Variants in YIPF6 observed in about 807,000 individuals in gnomAD.
YIPF6 encodes Yip1 domain family member 6.
YIPF6 carries 3 observed loss-of-function variants against 16.8 expected under a neutral mutation model. That is an observed-to-expected ratio of 0.18 (90% CI 0.08 to 0.46). YIPF6 has a LOEUF of 0.46. YIPF6 is among the 20% of genes least tolerant of loss of function. The pLI, the probability that YIPF6 is intolerant of heterozygous loss-of-function variation, is 0.98. For synonymous variants in YIPF6, 67 were observed against 61.9 expected (o/e 1.08, Z -0.38); for missense variants, 145 against 184.9 (o/e 0.78, Z 1.25).
chrX:68,501,301 A>G (rs2079040402), intron 1 of YIPF6, among the ~76,000 whole-genome samples: 1 of 112,591 alleles, frequency 8.9e-6, no homozygotes, highest in Admixed American at 9.5e-5. Flanking sequence ...TGACCAAGCT[A>G]CATGGTGGAA....
intron 6 of YIPF6, among the ~76,000 whole-genome samples, chrX:68,530,715 G>A (rs1256254205): frequency 9.0e-6 from 1 of 110,594 alleles, no homozygotes. Context: ...CTTGGCTAGG[G>A]TAGGGAGTTC....
At chrX:68,500,911 A>T (rs2079038890) in intron 1 of YIPF6, among the ~76,000 whole-genome samples, 1 of 111,976 alleles carries the variant, frequency 8.9e-6, no homozygotes, top group Non-Finnish European at 1.9e-5. Flanking sequence ...AATTAGTGAG[A>T]GTACTAAATG....
At chrX:68,522,732 A>G (rs1173726631) in intron 5 of YIPF6, 28 bp from the exon 6 acceptor site, 4 of 1,172,591 alleles carry the variant, frequency 3.4e-6, no homozygotes, top group Non-Finnish European at 4.6e-6. Context: ...TGTATTTATG[A>G]TCTTTATTAA....
At position 68,535,789 on chromosome X, in the gene YIPF6, C is replaced by G. The variant is rs925983177; in HGVS notation, c.*3790C>G. On this transcript the variant is annotated 3_prime_UTR_variant, in exon 7 of 7. Coordinates refer to ENST00000462683, the MANE Select transcript of YIPF6 (RefSeq NM_173834.4). ...GAAATACACTTTACCATAAACTTCA[C>G]CTTTTTATTTTTTATTTTTATGAGA... 2 of 110,856 alleles carry G rather than the reference C, an allele frequency of 1.8e-5. No individual in the cohort carries two copies. Among genetic ancestry groups the G allele is most frequent in the Admixed American group, 1.9e-4 (2 of 10,353 alleles). The allele number at this position is 110,856 out of a possible 1,213,427, so 9.1% of individuals were successfully genotyped here. A position where few individuals can be genotyped will look rare whatever the true frequency, so the allele number is the denominator to read the frequency against.
chrX:68,507,275 A>G (rs1368362301), intron 1 of YIPF6, among the ~76,000 whole-genome samples: 1 of 111,763 alleles, frequency 8.9e-6, no homozygotes, highest in Non-Finnish European at 1.9e-5. Flanking sequence ...ATAGGAAGAA[A>G]TGTCATATTT....
rs2079172290 is a variant in YIPF6, at chrX:68,531,739, G to A, written c.593-142G>A. 4 of 411,831 alleles carry A rather than the reference G, an allele frequency of 9.7e-6. No homozygotes were observed. The East Asian group carries it at 1.6e-4, about 17-fold the overall frequency. The allele number at this position is 411,831 out of a possible 1,213,427, so 33.9% of individuals were successfully genotyped here. On this transcript the variant is annotated intron_variant, in intron 6 of 6. Coordinates refer to ENST00000462683, the MANE Select transcript of YIPF6 (RefSeq NM_173834.4). ...TATGTTGCAGAATGCCTTTATCTCT[G>A]AGGATCACCAGTATAACTAAACTTT... is the stretch of plus-strand genomic sequence containing the variant.
intron 1 of YIPF6, among the ~76,000 whole-genome samples, chrX:68,499,583 C>A (rs1259434150): frequency 9.0e-6 from 1 of 111,628 alleles, no homozygotes; most frequent in Admixed American, 9.6e-5. Flanking sequence ...CAGGTTTAAC[C>A]CCTGTCGCAG....
At chrX:68,522,493 G>T (rs893256777) in intron 5 of YIPF6, among the ~76,000 whole-genome samples, 5 of 109,827 alleles carry the variant, frequency 4.6e-5, no homozygotes, top group Non-Finnish European at 7.6e-5. Flanking sequence ...TAGAGACGGG[G>T]TTTCACCATG....
intron 6 of YIPF6, among the ~76,000 whole-genome samples, chrX:68,528,579 A>T (rs779300394): frequency 8.9e-6 from 1 of 111,806 alleles, no homozygotes; most frequent in East Asian, 2.8e-4. Context: ...CATAGTGTCG[A>T]TAGTCTTTAC....
rs748522619 is a variant in YIPF6, at chrX:68,521,541, A to G, written c.434+44A>G. The G allele has an allele frequency of 2.6e-6, 3 of 1,167,284 alleles. No homozygotes were observed. The Admixed American group carries it at 7.2e-5, about 28-fold the overall frequency. On this transcript the variant is annotated intron_variant, in intron 5 of 6. Coordinates refer to ENST00000462683, the MANE Select transcript of YIPF6 (RefSeq NM_173834.4). ...CATTCTTTTTTTCCTCTTGCCAGGT[A>G]GTATATCTTAGATTAAGGAATACAG...
At chrX:68,501,409 T>C in intron 1 of YIPF6, among the ~76,000 whole-genome samples, 1 of 112,116 alleles carries the variant, frequency 8.9e-6, no homozygotes, top group East Asian at 2.8e-4. Flanking sequence ...TGCCAGGTAT[T>C]GTGCTAGACA....
intron 6 of YIPF6, among the ~76,000 whole-genome samples, chrX:68,529,729 C>G (rs1243904071): frequency 2.7e-5 from 3 of 111,748 alleles, no homozygotes; most frequent in African/African-American, 9.8e-5. Flanking sequence ...AACAGTCAGG[C>G]CCCTCTGCTG....
chrX:68,535,594 G>A lies in YIPF6; in HGVS notation c.*3595G>A, dbSNP rs182509345. 41 of 111,435 alleles carry A rather than the reference G, an allele frequency of 3.7e-4. No individual in the cohort carries two copies. The highest frequency in any genetic ancestry group is 1.3e-3 in the African/African-American group (39 of 30,709). The allele number at this position is 111,435 out of a possible 1,213,427, so 9.2% of individuals were successfully genotyped here. A position where few individuals can be genotyped will look rare whatever the true frequency, so the allele number is the denominator to read the frequency against. On this transcript the variant is annotated 3_prime_UTR_variant, in exon 7 of 7. Transcript: ENST00000462683. ...AGAAACACTTTTCTAGATTCTGTAG[G>A]CTTTTGTTAAAAATAGAGAATTTCT...
chrX:68,518,865 G>A (rs189688787), intron 4 of YIPF6, 53 bp downstream of exon 4: 1 of 1,078,050 alleles, frequency 9.3e-7, no homozygotes, highest in Non-Finnish European at 1.2e-6. Flanking sequence ...AGACTTTTTT[G>A]TGGATTTCCA....
At position 68,499,095 on chromosome X, in the gene YIPF6, A is replaced by G; in HGVS notation, c.29A>G (p.Asp10Gly). The change falls in exon 1 of 7, where the codon GAC (aspartate) becomes GGC (glycine). Residue 10 changes from aspartate to glycine, a missense_variant. Transcript: ENST00000462683. ...GCGGAAGCGGAGGAGTCTCCAGGAG[A>G]CCCGGGGACAGCATCGCCCAGGCCC... is the stretch of plus-strand genomic sequence containing the variant. MAEAEESPG[D>G]PGTASPRPLF... The G allele has an allele frequency of 8.4e-7, 1 of 1,187,576 alleles. No homozygotes were observed. Among genetic ancestry groups the G allele is most frequent in the Non-Finnish European group, 1.1e-6 (1 of 883,331 alleles).
rs1287957830 is a variant in YIPF6 at position 68,534,634 on chromosome X, G to A, written c.*2635G>A. On this transcript the variant is annotated 3_prime_UTR_variant, in exon 7 of 7. Coordinates refer to ENST00000462683, the MANE Select transcript of YIPF6 (RefSeq NM_173834.4). ...TGGATGTTCAATTGTCTTTCTGAAA[G>A]TGAGTGGCTTGAAGGGATGAATAAA... 1 of 111,429 alleles carries A rather than the reference G, an allele frequency of 9.0e-6. No individual in the cohort carries two copies. The highest frequency in any genetic ancestry group is 1.9e-5 in the Non-Finnish European group (1 of 53,179). The allele number at this position is 111,429 out of a possible 1,213,427, so 9.2% of individuals were successfully genotyped here. A position where few individuals can be genotyped will look rare whatever the true frequency, so the allele number is the denominator to read the frequency against.
intron 6 of YIPF6, among the ~76,000 whole-genome samples, chrX:68,530,089 T>G (rs1434861265): frequency 1.8e-5 from 2 of 112,085 alleles, no homozygotes; most frequent in African/African-American, 6.5e-5. Flanking sequence ...CCAGGTGCTC[T>G]GTCCCATGAA....
rs181565887 is a variant in YIPF6 at position 68,507,852 on chromosome X, C to T, written c.58-3997C>T. Among the ~76,000 whole-genome samples the T allele has an allele frequency of 2.3e-4, 26 of 110,874 alleles. No homozygotes were observed. In the East Asian group the frequency reaches 6.9e-3, roughly 29 times the overall value. ...CTCCTGATCTCAGGTGATCCACCTG[C>T]CTCGGCCTCCCAAAGTGCTCAGATT... On this transcript the variant is annotated intron_variant, in intron 1 of 6. Transcript: ENST00000462683.
chrX:68,532,086 T>A lies in YIPF6; in HGVS notation c.*87T>A. ...ATGGAGCTTTGTCTCTGGCCCTTAT[T>A]TGTCTAATTTTGGAGGTATTTGATA... On this transcript the variant is annotated 3_prime_UTR_variant, in exon 7 of 7. Transcript: ENST00000462683. 1.4e-6 allele frequency: 1 copy of A among 723,196 alleles called. No individual in the cohort carries two copies. Among genetic ancestry groups the A allele is most frequent in the African/African-American group, 2.1e-5 (1 of 47,456 alleles). 59.6% of individuals were successfully genotyped at this position (723,196 alleles called of 1,213,427 possible). A position where few individuals can be genotyped will look rare whatever the true frequency, so the allele number is the denominator to read the frequency against.
Sources: allele counts gnomAD v4.1 joint callset (sites outside exome capture counted in the v4.1 genomes callset), GRCh38; gene constraint gnomAD v4.1.1; transcripts MANE v1.5; gene names NCBI Gene and HGNC (gene_info 2026-07-23, HGNC 2026-07-21).